Variants in RPGRIP1 observed in about 807,000 individuals in gnomAD.
RPGRIP1 encodes RPGR interacting protein 1.
Under a neutral mutation model 157.9 loss-of-function variants are expected in RPGRIP1, and 128 were observed. The observed-to-expected ratio is 0.81, with a 90% CI of 0.70 to 0.94. The LOEUF (loss-of-function observed/expected upper bound fraction) is 0.94, where lower values mean the gene tolerates loss of function less well. Ranked by LOEUF, RPGRIP1 falls within the 40% of genes least tolerant of loss-of-function variation. The pLI is 0.00. For synonymous variants in RPGRIP1, 554 were observed against 571.6 expected (o/e 0.97, Z 0.44); for missense variants, 1,486 against 1,545.8 (o/e 0.96, Z 0.65).
At chr14:21,291,571 AG>A (rs1880530555) in intron 2 of RPGRIP1, among the ~76,000 whole-genome samples, 1 of 152,016 alleles carries the variant, frequency 6.6e-6, no homozygotes. Flanking sequence ...AATAACTAAA[AG>A]TAGATGAAGT....
At chr14:21,292,720 T>TA (rs955851513) in intron 2 of RPGRIP1, among the ~76,000 whole-genome samples, 4 of 151,840 alleles carry the variant, frequency 2.6e-5, no homozygotes, top group Non-Finnish European at 5.9e-5. Context: ...CCCATGCCTG[T>TA]AATCCCAGCC....
Position 21,343,226 on chromosome 14 carries a change from A to G in RPGRIP1, c.3530A>G (p.Lys1177Arg). ...AGEEIHFHFS[K>R]VIDLDPQEQQ... ...GAAGAAATCCACTTTCACTTTAGCA[A>G]GGGTGAGGCATCCTGTGTGGTTACT... The change falls in exon 22 of 25, where the codon AAG becomes AGG. Residue 1177 changes from lysine (K) to arginine (R), a missense_variant and splice_region_variant. Transcript: ENST00000400017. 1 of 1,611,806 alleles carries G rather than the reference A, an allele frequency of 6.2e-7. No individual in the cohort carries two copies. Among genetic ancestry groups the G allele is most frequent in the Admixed American group, 1.7e-5 (1 of 59,694 alleles).
intron 6 of RPGRIP1, among the ~76,000 whole-genome samples, chr14:21,307,151 C>A (rs1298629880): frequency 2.0e-5 from 3 of 152,162 alleles, no homozygotes; most frequent in African/African-American, 4.8e-5. Flanking sequence ...CCGCCTCCCG[C>A]AGTTCAAGCG....
At chr14:21,347,996 C>T (rs1166988444) in intron 23 of RPGRIP1, among the ~76,000 whole-genome samples, 176 bp from the exon 24 acceptor site, 1 of 152,132 alleles carries the variant, frequency 6.6e-6, no homozygotes, top group Non-Finnish European at 1.5e-5. Flanking sequence ...AGGACTGTTA[C>T]TGCTTAAATT....
At chr14:21,349,529 A>T (rs1335223353) in intron 24 of RPGRIP1, among the ~76,000 whole-genome samples, 1 of 148,454 alleles carries the variant, frequency 6.7e-6, no homozygotes, top group African/African-American at 2.5e-5. Flanking sequence ...CAGCCTCCCT[A>T]GTAGCTGGGA....
At chr14:21,336,689 C>T (rs1884401416) in intron 21 of RPGRIP1, among the ~76,000 whole-genome samples, 1 of 152,038 alleles carries the variant, frequency 6.6e-6, no homozygotes, top group Non-Finnish European at 1.5e-5. Context: ...TTCTATATTA[C>T]CAAGGTAAAG....
chr14:21,302,919 G>C (rs1275039180), intron 5 of RPGRIP1: 1 of 172,772 alleles, frequency 5.8e-6, no homozygotes, highest in Admixed American at 6.4e-5. Flanking sequence ...GCCCAGGCTG[G>C]AGTGCAGCAG....
chr14:21,311,862 C>T lies in RPGRIP1; in HGVS notation c.969C>T (p.Leu323=), dbSNP rs775426540. The T allele has an allele frequency of 6.2e-7, 1 of 1,610,548 alleles. No individual in the cohort carries two copies. The highest frequency in any genetic ancestry group is 1.1e-5 in the South Asian group (1 of 90,216). The change falls in exon 9 of 25, where the codon CTC becomes CTT. Residue 323 remains leucine, a synonymous_variant. Transcript: ENST00000400017. ...GILSAAHEAL[L]KQVNELRAEL... is the part of the protein sequence containing the mutation. ...TGAGTGCAGCCCATGAGGCCCTCCT[C>T]AAGCAAGTGAATGAGCTCAGGGCAG...
At chr14:21,343,933 A>T (rs1230450727) in intron 22 of RPGRIP1, among the ~76,000 whole-genome samples, 4 of 105,394 alleles carry the variant, frequency 3.8e-5, no homozygotes, top group African/African-American at 1.5e-4. Flanking sequence ...CATGTTGCTC[A>T]GGCTGGTTTC....
intron 3 of RPGRIP1, among the ~76,000 whole-genome samples, chr14:21,295,478 A>ATTTTTTT (rs11342361): frequency 8.6e-6 from 1 of 116,516 alleles, no homozygotes; most frequent in African/African-American, 3.2e-5. Context: ...TATTTTTGAG[A>ATTTTTTT]TTTTTTTTTT....
intron 6 of RPGRIP1, 40 bp downstream of exon 6, chr14:21,303,583 T>A (rs1378685658): frequency 6.9e-7 from 1 of 1,450,014 alleles, no homozygotes. Context: ...CAAAACGAAC[T>A]GAAAAAGCTA....
intron 6 of RPGRIP1, among the ~76,000 whole-genome samples, chr14:21,307,465 T>A (rs1280364324): frequency 6.6e-6 from 1 of 152,252 alleles, no homozygotes; most frequent in Non-Finnish European, 1.5e-5. Flanking sequence ...ATGAACACCA[T>A]CATTTAAAAA....
chr14:21,325,354 C>T lies in RPGRIP1; in HGVS notation c.2338C>T (p.Leu780Phe), dbSNP rs1882964122. ...CCAGGTCTACCTGTCAACCGATGTGCTTGGAGGCCGGAAGGCCCAGGAAGA... is the reference window on the plus strand; with the variant it reads ...CCAGGTCTACCTGTCAACCGATGTGTTTGGAGGCCGGAAGGCCCAGGAAGA... ...KAQVYLSTDV[L>F]GGRKAQEEEF... The change falls in exon 16 of 25, where the codon CTT becomes TTT. Residue 780 changes from leucine to phenylalanine, a missense_variant. Coordinates refer to ENST00000400017, the MANE Select transcript of RPGRIP1 (RefSeq NM_020366.4). The T allele has an allele frequency of 7.5e-6, 12 of 1,593,022 alleles. No homozygotes were observed. The highest frequency in any genetic ancestry group is 1.0e-5 in the Non-Finnish European group (12 of 1,169,590).
At chr14:21,342,049 CAA>C (rs769694278) in intron 21 of RPGRIP1, among the ~76,000 whole-genome samples, 30 of 112,964 alleles carry the variant, frequency 2.7e-4, no homozygotes, top group Non-Finnish European at 2.5e-4. Context: ...GACACTGTCT[CAA>C]AAAAAAAAAA....
chr14:21,282,905 C>T (rs556881591), intron 1 of RPGRIP1, among the ~76,000 whole-genome samples: 145 of 152,244 alleles, frequency 9.5e-4, no homozygotes, highest in African/African-American at 3.4e-3. Flanking sequence ...CCACTGTGCC[C>T]GGCCTACATT....
chr14:21,307,157 A>G (rs909945627), intron 6 of RPGRIP1, among the ~76,000 whole-genome samples: 29 of 152,142 alleles, frequency 1.9e-4, no homozygotes, highest in African/African-American at 6.8e-4. Flanking sequence ...CCCGCAGTTC[A>G]AGCGATTCTC....
chr14:21,285,748 T>G (rs1344560476), intron 1 of RPGRIP1, among the ~76,000 whole-genome samples: 1 of 151,910 alleles, frequency 6.6e-6, no homozygotes, highest in Non-Finnish European at 1.5e-5. Context: ...AGGTTGGGCT[T>G]TACAGGCCCT....
chr14:21,290,775 C>T (rs375126015), intron 2 of RPGRIP1, among the ~76,000 whole-genome samples: 45 of 148,910 alleles, frequency 3.0e-4, no homozygotes, highest in Middle Eastern at 3.5e-3. Flanking sequence ...GCCGAGATCG[C>T]GCCACTGCAC....
chr14:21,348,850 C>T lies in RPGRIP1; in HGVS notation c.3748+548C>T, dbSNP rs140272815. ...TAATTTTTGTATTTTTAGTAGAGAC[C>T]GTGTTTTACCATGTTGGCCAGACTG... On this transcript the variant is annotated intron_variant, in intron 24 of 24. Coordinates refer to ENST00000400017, the MANE Select transcript of RPGRIP1 (RefSeq NM_020366.4). Among the ~76,000 whole-genome samples the T allele has an allele frequency of 9.6e-3, 1,459 of 151,420 alleles. 22 individuals are homozygous for T. The highest frequency in any genetic ancestry group is 0.034 in the African/African-American group (1,395 of 41,330).
Sources: allele counts gnomAD v4.1 joint callset (sites outside exome capture counted in the v4.1 genomes callset), GRCh38; gene constraint gnomAD v4.1.1; transcripts MANE v1.5; gene names NCBI Gene and HGNC (gene_info 2026-07-23, HGNC 2026-07-21).